The following GIMAP2 variants were observed in gnomAD, a reference collection of about 807,000 sequenced individuals.
GIMAP2 encodes GTPase, IMAP family member 2, also known as GTPase IMAP family member 2.
Under a neutral mutation model 25.5 loss-of-function variants are expected in GIMAP2, and 22 were observed. That is an observed-to-expected ratio of 0.86 (90% confidence interval 0.62 to 1.23). The LOEUF (loss-of-function observed/expected upper bound fraction) is 1.23. Ranked by LOEUF, GIMAP2 falls within the 50% of genes most tolerant of loss-of-function variation. The pLI is 0.00. For synonymous variants in GIMAP2, 167 were observed against 143.0 expected, an observed-to-expected ratio of 1.17 and a Z score of -1.20; for missense variants, 422 against 395.7, an observed-to-expected ratio of 1.07 and a Z score of -0.56.
chr7:150,686,470 C>T (rs1796901459), intron 1 of GIMAP2, among the ~76,000 whole-genome samples: 1 of 151,976 alleles, frequency 6.6e-6, no homozygotes, highest in African/African-American at 2.4e-5. Context: ...GGGAGCCGGG[C>T]TGATCTGTGA....
At chr7:150,691,849 C>T (rs1321731547) in intron 2 of GIMAP2, among the ~76,000 whole-genome samples, 2 of 152,220 alleles carry the variant, frequency 1.3e-5, no homozygotes, top group Non-Finnish European at 2.9e-5. Context: ...TGCAGTCCTA[C>T]AGCAATCAAG....
At chr7:150,690,068 T>G (rs769197058) in intron 2 of GIMAP2, among the ~76,000 whole-genome samples, 13 of 152,236 alleles carry the variant, frequency 8.5e-5, no homozygotes, top group Non-Finnish European at 1.6e-4. Flanking sequence ...GAATTATATC[T>G]ATACTGGAAG....
In GIMAP2 at chr7:150,693,478, T is replaced by C. The variant is rs1334977340; in HGVS notation, c.*178T>C. The C allele has an allele frequency of 4.0e-6, 2 of 501,818 alleles. No homozygotes were observed. The highest frequency in any genetic ancestry group is 3.2e-5 in the East Asian group (1 of 31,008). 31.1% of individuals were successfully genotyped at this position (501,818 alleles called of 1,614,324 possible). ...ATAAGTTACTGTTTGCATTGAAATA[T>C]AATATCAAAGCCTTTTGAAATCTGT... On this transcript the variant is annotated 3_prime_UTR_variant, in exon 3 of 3. Transcript: ENST00000223293.
chr7:150,689,240 G>T (rs564661138), intron 2 of GIMAP2, among the ~76,000 whole-genome samples: 19 of 152,144 alleles, frequency 1.2e-4, no homozygotes, highest in Non-Finnish European at 2.6e-4. Flanking sequence ...ACTTGGATAG[G>T]CTTACCAGTT....
rs1031021399 is a variant in GIMAP2, at chr7:150,685,801, C to T, written c.-9+16C>T. 7 of 945,438 alleles carry T rather than the reference C, an allele frequency of 7.4e-6. No individual in the cohort carries two copies. Among genetic ancestry groups the T allele is most frequent in the African/African-American group, 7.1e-5 (4 of 56,448 alleles). 58.6% of individuals were successfully genotyped at this position (945,438 alleles called of 1,614,324 possible). On this transcript the variant is annotated intron_variant, in intron 1 of 2. Coordinates refer to ENST00000223293, the MANE Select transcript of GIMAP2 (RefSeq NM_015660.3). ...AGTAAATCAGGTAAGCCCAGATTTACGAAAAGTTCTGCAGTGTTGATTTCT... is the reference window on the plus strand; with the variant it reads ...AGTAAATCAGGTAAGCCCAGATTTATGAAAAGTTCTGCAGTGTTGATTTCT...
At chr7:150,689,729 T>C (rs1796944516) in intron 2 of GIMAP2, 3 of 567,564 alleles carry the variant, frequency 5.3e-6, no homozygotes, top group Non-Finnish European at 9.6e-6. Context: ...AATACTTAAA[T>C]ATGTGCAACA....
rs150902506 is a variant in GIMAP2, at chr7:150,692,785, G to C, written c.499G>C (p.Ala167Pro). The C allele has an allele frequency of 8.4e-5, 135 of 1,614,234 alleles. No homozygotes were observed. In the African/African-American group the frequency reaches 1.7e-3, roughly 20 times the overall value. ...TTACATGCACGACTCAGATAACAAA[G>C]CCCTAAGCAAGCTGGTGGCAGCATG... Reference protein sequence around the residue: ...MDYMHDSDNKALSKLVAACGG... With the variant: ...MDYMHDSDNKPLSKLVAACGG... Residue 167 changes from alanine to proline, a missense_variant, in exon 3 of 3, where the codon GCC becomes CCC. Physicochemically the swap from Ala to Pro is conservative, Grantham distance 27. Transcript: ENST00000223293.
In GIMAP2 at chr7:150,687,104, ACGTGTGTGTGTG is replaced by A; in HGVS notation, c.28+18_28+29del. 4 of 1,371,300 alleles carry A rather than the reference ACGTGTGTGTGTG, an allele frequency of 2.9e-6. No individual in the cohort carries two copies. Among genetic ancestry groups the A allele is most frequent in the Non-Finnish European group, 4.0e-6 (4 of 990,146 alleles). 84.9% of individuals were successfully genotyped at this position (1,371,300 alleles called of 1,614,324 possible). On this transcript the variant is annotated intron_variant, in intron 2 of 2. Coordinates refer to ENST00000223293, the MANE Select transcript of GIMAP2 (RefSeq NM_015660.3). ...GTCACTGGGGTAAGAAGGTGACTTC[ACGTGTGTGTGTG>A]TGTGTGTGTGTGTGTGTGTGTGTGT... is the stretch of plus-strand genomic sequence containing the variant.
intron 2 of GIMAP2, among the ~76,000 whole-genome samples, chr7:150,690,024 C>A (rs1431289160): frequency 6.6e-6 from 1 of 152,166 alleles, no homozygotes; most frequent in Admixed American, 6.5e-5. Flanking sequence ...TTATTAGGAA[C>A]TTTGCTTATG....
Position 150,692,744 on chromosome 7 carries a change from G to C in GIMAP2, c.458G>C (p.Gly153Ala). The C allele has an allele frequency of 6.2e-7, 1 of 1,614,164 alleles. No homozygotes were observed. Among genetic ancestry groups the C allele is most frequent in the East Asian group, 2.2e-5 (1 of 44,882 alleles). The change falls in exon 3 of 3, where the codon GGT (glycine) becomes GCT (alanine). Residue 153 changes from glycine (G) to alanine (A), a missense_variant. Coordinates refer to ENST00000223293, the MANE Select transcript of GIMAP2 (RefSeq NM_015660.3). The part of the protein sequence containing the change: ...VLFTHKEDLN[G>A]GSLMDYMHDS... ...TTTACCCACAAGGAAGACCTCAATG[G>C]TGGCTCCCTGATGGATTACATGCAC... is the stretch of plus-strand genomic sequence containing the variant.
intron 1 of GIMAP2, 40 bp downstream of exon 1, chr7:150,685,825 C>G: frequency 1.4e-6 from 1 of 707,634 alleles, no homozygotes; most frequent in Non-Finnish European, 1.7e-6. Context: ...GTGTTGATTT[C>G]TAGGTCCCAA....
intron 2 of GIMAP2, chr7:150,689,648 C>T (rs940896359): frequency 1.1e-5 from 7 of 650,058 alleles, no homozygotes; most frequent in African/African-American, 1.8e-5. Context: ...ACTGTGAGGC[C>T]ATAATTTCAC....
intron 2 of GIMAP2, among the ~76,000 whole-genome samples, chr7:150,690,301 G>T (rs1180451147): frequency 1.3e-5 from 2 of 152,134 alleles, no homozygotes; most frequent in African/African-American, 4.8e-5. Flanking sequence ...ATGAATTGCT[G>T]CATAGACTTC....
In GIMAP2 at chr7:150,692,424, A is replaced by T; in HGVS notation, c.138A>T (p.Gln46His). The stretch of plus-strand genomic sequence containing the variant: ...CAGGGAACAGCATCCTCAGGAAGCA[A>T]GCATTTGAATCGAAGCTGGGTTCCC... ...SAAGNSILRK[Q>H]AFESKLGSQT... The change falls in exon 3 of 3, where the codon CAA (glutamine) becomes CAT (histidine). Residue 46 changes from glutamine to histidine, a missense_variant. Transcript: ENST00000223293. 1 of 1,614,216 alleles carries T rather than the reference A, an allele frequency of 6.2e-7. No homozygotes were observed. Among genetic ancestry groups the T allele is most frequent in the Non-Finnish European group, 8.5e-7 (1 of 1,180,026 alleles).
intron 2 of GIMAP2, among the ~76,000 whole-genome samples, chr7:150,687,906 G>A (rs541117915): frequency 1.3e-4 from 19 of 151,358 alleles, no homozygotes; most frequent in African/African-American, 4.6e-4. Context: ...TCTGCCCCTC[G>A]ACAGCCCTGT....
rs1042945602 is a variant in GIMAP2, at chr7:150,693,517, C to A, written c.*217C>A. On this transcript the variant is annotated 3_prime_UTR_variant, in exon 3 of 3. Transcript: ENST00000223293. ...TTTGAAATCTGTAAACATAAAATTC[C>A]TCTCATTTTCAAATATCTAAAGCCA... 2 of 427,366 alleles carry A rather than the reference C, an allele frequency of 4.7e-6. No homozygotes were observed. Among genetic ancestry groups the A allele is most frequent in the Non-Finnish European group, 8.2e-6 (2 of 242,508 alleles). 26.5% of individuals were successfully genotyped at this position (427,366 alleles called of 1,614,324 possible). A position where few individuals can be genotyped will look rare whatever the true frequency, so the allele number is the denominator to read the frequency against.
In GIMAP2 at chr7:150,692,823, C is replaced by T. The variant is rs370076034; in HGVS notation, c.537C>T (p.Ile179=). ...TGGTGGCAGCATGTGGTGGGCGAAT[C>T]TGTGCCTTTAATAACCGTGCTGAAG... ...SKLVAACGGR[I]CAFNNRAEGS... The change falls in exon 3 of 3, where the codon ATC becomes ATT. Residue 179 remains isoleucine (I), a synonymous_variant. Coordinates refer to ENST00000223293, the MANE Select transcript of GIMAP2 (RefSeq NM_015660.3). 3 of 1,614,244 alleles carry T rather than the reference C, an allele frequency of 1.9e-6. No individual in the cohort carries two copies. Among genetic ancestry groups the T allele is most frequent in the Non-Finnish European group, 1.7e-6 (2 of 1,180,048 alleles).
chr7:150,688,438 T>C (rs955035069), intron 2 of GIMAP2, among the ~76,000 whole-genome samples: 1 of 152,166 alleles, frequency 6.6e-6, no homozygotes, highest in Non-Finnish European at 1.5e-5. Flanking sequence ...GCCACAATCT[T>C]GATTTATTGA....
chr7:150,686,269 C>T (rs2116498930), intron 1 of GIMAP2, among the ~76,000 whole-genome samples: 1 of 152,240 alleles, frequency 6.6e-6, no homozygotes, highest in African/African-American at 2.4e-5. Flanking sequence ...GAGTCATAAT[C>T]TTCATTCACT....
Sources: allele counts gnomAD v4.1 joint callset (sites outside exome capture counted in the v4.1 genomes callset), GRCh38; gene constraint gnomAD v4.1.1; transcripts MANE v1.5; gene names NCBI Gene and HGNC (gene_info 2026-07-23, HGNC 2026-07-21).